The following KCNMA1 variants were observed in gnomAD, a reference collection of about 807,000 sequenced individuals.
KCNMA1 encodes potassium calcium-activated channel subfamily M alpha 1.
KCNMA1 carries 29 observed loss-of-function variants against 140.0 expected under a neutral mutation model. The observed-to-expected ratio is 0.21, with a 90% CI of 0.15 to 0.28. KCNMA1 has a LOEUF of 0.28. Ranked by LOEUF, KCNMA1 falls within the 10% of genes least tolerant of loss-of-function variation. KCNMA1 has a pLI of 1.00. For missense variants in KCNMA1, 880 were observed against 1,602.2 expected, an observed-to-expected ratio of 0.55 and a Z score of 7.70; for synonymous variants, 612 against 611.9, an observed-to-expected ratio of 1.00 and a Z score of 0.00.
At chr10:77,394,552 A>AGACAT (rs1351848163) in intron 2 of KCNMA1, among the ~76,000 whole-genome samples, 1 of 152,192 alleles carries the variant, frequency 6.6e-6, no homozygotes, top group Non-Finnish European at 1.5e-5. Context: ...GCTGCTACAA[A>AGACAT]ATTCTCAGAC....
intron 25 of KCNMA1, among the ~76,000 whole-genome samples, chr10:76,897,403 T>C (rs1249910532): frequency 6.6e-6 from 1 of 151,810 alleles, no homozygotes; most frequent in Non-Finnish European, 1.5e-5. Flanking sequence ...CTGTAAGAAA[T>C]ACAAGTATAA....
At chr10:76,909,885 G>A in intron 25 of KCNMA1, 81 bp downstream of exon 25, 1 of 1,489,044 alleles carries the variant, frequency 6.7e-7, no homozygotes, top group South Asian at 1.2e-5. Context: ...CCCCAGTGCA[G>A]CCCAGGGCCT....
chr10:77,439,682 G>T (rs918520263), intron 1 of KCNMA1, among the ~76,000 whole-genome samples: 1 of 152,192 alleles, frequency 6.6e-6, no homozygotes, highest in African/African-American at 2.4e-5. Context: ...GAAAAGGGCA[G>T]CGGTACCTAT....
intron 19 of KCNMA1, chr10:76,973,193 A>G (rs886885233): frequency 1.3e-5 from 2 of 152,216 alleles, no homozygotes. Context: ...CGGAAGCCAC[A>G]TGAAGATATG....
intron 5 of KCNMA1, among the ~76,000 whole-genome samples, chr10:77,126,117 T>C (rs1425404802): frequency 6.6e-6 from 1 of 152,218 alleles, no homozygotes; most frequent in African/African-American, 2.4e-5. Flanking sequence ...TTCTCTATTT[T>C]ATAATATCTT....
intron 20 of KCNMA1, among the ~76,000 whole-genome samples, chr10:76,964,033 T>C (rs2072844052): frequency 6.6e-6 from 1 of 152,042 alleles, no homozygotes; most frequent in Non-Finnish European, 1.5e-5. Flanking sequence ...TACTATTTCC[T>C]GATACTTCCT....
At chr10:76,938,559 C>T (rs749936563) in intron 23 of KCNMA1, among the ~76,000 whole-genome samples, 2 of 152,206 alleles carry the variant, frequency 1.3e-5, no homozygotes, top group Non-Finnish European at 2.9e-5. Context: ...CCCTAAAGCT[C>T]AGGTCCAATC....
chr10:77,110,853 T>C (rs1328131035), intron 7 of KCNMA1, among the ~76,000 whole-genome samples: 6 of 152,202 alleles, frequency 3.9e-5, no homozygotes, highest in African/African-American at 1.4e-4. Flanking sequence ...CCCTGCTTAT[T>C]TCTGATTCAA....
intron 1 of KCNMA1, among the ~76,000 whole-genome samples, chr10:77,554,597 C>CAAAAAAAAAAA (rs59754706): frequency 8.3e-5 from 7 of 84,062 alleles, no homozygotes; most frequent in South Asian, 4.6e-4. Flanking sequence ...TACTCCATCT[C>CAAAAAAAAAAA]AAAAAAAAAA....
chr10:77,410,685 T>C (rs2096598797), intron 1 of KCNMA1, among the ~76,000 whole-genome samples: 1 of 152,250 alleles, frequency 6.6e-6, no homozygotes, highest in Non-Finnish European at 1.5e-5. Flanking sequence ...CCTGTCATCC[T>C]GCGAGTCTGC....
chr10:77,509,111 T>C (rs938856340), intron 1 of KCNMA1, among the ~76,000 whole-genome samples: 2 of 115,658 alleles, frequency 1.7e-5, no homozygotes, highest in Admixed American at 1.9e-4. Context: ...TTTGTTGTTG[T>C]TGTTGTTGTT....
At chr10:77,610,766 T>A (rs999446205) in intron 1 of KCNMA1, among the ~76,000 whole-genome samples, 4 of 152,228 alleles carry the variant, frequency 2.6e-5, no homozygotes, top group Non-Finnish European at 5.9e-5. Flanking sequence ...GGTACAGGAC[T>A]TCCTTTTGGA....
chr10:77,427,491 C>T (rs2097035595), intron 1 of KCNMA1, among the ~76,000 whole-genome samples: 1 of 152,220 alleles, frequency 6.6e-6, no homozygotes, highest in Non-Finnish European at 1.5e-5. Flanking sequence ...CACCCAGATA[C>T]AGATACTGAA....
chr10:76,959,842 G>T (rs1408469178), intron 20 of KCNMA1, among the ~76,000 whole-genome samples: 5 of 152,134 alleles, frequency 3.3e-5, no homozygotes, highest in Admixed American at 3.3e-4. Context: ...TACATTTTAT[G>T]ATTTGCTACT....
intron 18 of KCNMA1, among the ~76,000 whole-genome samples, chr10:77,003,607 T>A (rs1336186438): frequency 6.6e-5 from 10 of 152,188 alleles, no homozygotes. Context: ...CGTAGATAAA[T>A]CATTTTGAAA....
At chr10:76,964,652 T>C (rs989103372) in intron 20 of KCNMA1, among the ~76,000 whole-genome samples, 5 of 152,192 alleles carry the variant, frequency 3.3e-5, no homozygotes, top group African/African-American at 1.2e-4. Context: ...GAGGGTGACT[T>C]GGCTCAGTCC....
chr10:77,523,041 C>T (rs943268411), intron 1 of KCNMA1, among the ~76,000 whole-genome samples: 4 of 152,060 alleles, frequency 2.6e-5, no homozygotes, highest in Admixed American at 2.0e-4. Context: ...CCCTCCATGC[C>T]ACAGGTGGGA....
chr10:77,496,483 T>G (rs1308896091), intron 1 of KCNMA1, among the ~76,000 whole-genome samples: 1 of 150,586 alleles, frequency 6.6e-6, no homozygotes, highest in Non-Finnish European at 1.5e-5. Flanking sequence ...TGTAGTCCCA[T>G]CTACTTGGGA....
chr10:77,278,571 C>T (rs138095292), intron 2 of KCNMA1, among the ~76,000 whole-genome samples: 9 of 152,186 alleles, frequency 5.9e-5, no homozygotes, highest in East Asian at 1.9e-4. Context: ...AGGTGGTCTC[C>T]GAAATCCAGC....
Sources: allele counts gnomAD v4.1 joint callset (sites outside exome capture counted in the v4.1 genomes callset), GRCh38; gene constraint gnomAD v4.1.1; transcripts MANE v1.5; gene names NCBI Gene and HGNC (gene_info 2026-07-23, HGNC 2026-07-21).